SULF1: variants seen among roughly 807,000 people sequenced by gnomAD.
SULF1 encodes sulfatase 1.
In SULF1, 46 loss-of-function variants were observed where a neutral mutation model predicts 110.5. The observed-to-expected ratio is 0.42, with a 90% confidence interval of 0.33 to 0.53. The LOEUF is 0.53. SULF1 is among the 20% of genes least tolerant of loss of function. The probability of loss-of-function intolerance (pLI) is 0.12; values close to 1 mark genes in which losing one functional copy is unlikely to be tolerated. For synonymous variants in SULF1, 371 were observed against 387.1 expected (o/e 0.96, Z 0.49); for missense variants, 941 against 1,094.2 (o/e 0.86, Z 1.98).
intron 13 of SULF1, among the ~76,000 whole-genome samples, chr8:69,605,420 T>G (rs753989440): frequency 6.6e-6 from 1 of 152,182 alleles, no homozygotes; most frequent in Non-Finnish European, 1.5e-5. Context: ...GAAACCATAT[T>G]CTGTTTGTTT....
At chr8:69,556,644 G>A (rs1815135586) in intron 3 of SULF1, among the ~76,000 whole-genome samples, 1 of 152,184 alleles carries the variant, frequency 6.6e-6, no homozygotes, top group African/African-American at 2.4e-5. Flanking sequence ...CAAATTTAAT[G>A]AAATTTAATG....
At chr8:69,531,861 G>A (rs913021164) in intron 3 of SULF1, among the ~76,000 whole-genome samples, 1 of 152,088 alleles carries the variant, frequency 6.6e-6, no homozygotes, top group African/African-American at 2.4e-5. Context: ...TATCAACACG[G>A]GAAAGAGAGG....
At chr8:69,620,195 C>T (rs1310499073) in intron 13 of SULF1, among the ~76,000 whole-genome samples, 4 of 152,188 alleles carry the variant, frequency 2.6e-5, no homozygotes, top group South Asian at 4.1e-4. Context: ...AGTGTTCAGA[C>T]GTTCCTCTTC....
chr8:69,489,826 G>A (rs1035560026), upstream of SULF1, among the ~76,000 whole-genome samples: 5 of 151,920 alleles, frequency 3.3e-5, no homozygotes, highest in Non-Finnish European at 5.9e-5. Context: ...TCAGGAGCAT[G>A]AGCCACTGCG....
rs1237913719 is a variant in SULF1 at position 69,649,305 on chromosome 8, T to C, written c.2585+8464T>C. On this transcript the variant is annotated intron_variant, in intron 22 of 22. Coordinates refer to ENST00000402687, the MANE Select transcript of SULF1 (RefSeq NM_001128205.2). ...CACACACCTTTTTTTTCTGAATCATTTGCAAGTAATTTGCAAACATCATTC... is the reference window on the plus strand; with the variant it reads ...CACACACCTTTTTTTTCTGAATCATCTGCAAGTAATTTGCAAACATCATTC... 3.3e-5 allele frequency among the ~76,000 whole-genome samples: 5 copies of C among 152,352 alleles called. No individual in the cohort carries two copies. The East Asian group carries it at 9.6e-4, about 29-fold the overall frequency.
At position 69,605,532 on chromosome 8, in the gene SULF1, A is replaced by G. The variant is rs564246096; in HGVS notation, c.1377+600A>G. 1.2e-4 allele frequency among the ~76,000 whole-genome samples: 18 copies of G among 152,354 alleles called. No homozygotes were observed. In the South Asian group the frequency reaches 3.5e-3, roughly 30 times the overall value. On this transcript the variant is annotated intron_variant, in intron 13 of 22. Coordinates refer to ENST00000402687, the MANE Select transcript of SULF1 (RefSeq NM_001128205.2). Reference sequence around the variant, plus strand: ...ATTACTATAGACCCCAGAGCTACCCAGAATACCAGTTATTATCAGTAAGAA... The same window carrying G: ...ATTACTATAGACCCCAGAGCTACCCGGAATACCAGTTATTATCAGTAAGAA...
intron 22 of SULF1, among the ~76,000 whole-genome samples, chr8:69,641,299 C>T (rs1019283672): frequency 3.9e-5 from 6 of 152,120 alleles, no homozygotes; most frequent in Middle Eastern, 3.4e-3. Context: ...ACTGTAAGGC[C>T]GAAGTTGAAG....
intron 8 of SULF1, among the ~76,000 whole-genome samples, 178 bp downstream of exon 8, chr8:69,589,319 C>A (rs182893678): frequency 4.6e-5 from 7 of 152,172 alleles, no homozygotes; most frequent in Non-Finnish European, 8.8e-5. Context: ...TGAAAGAAAG[C>A]GCCTTATCTG....
intron 1 of SULF1, among the ~76,000 whole-genome samples, chr8:69,467,987 AT>A (rs33956009): frequency 0.29 from 43,836 of 151,594 alleles, 6,508 homozygotes; most frequent in African/African-American, 0.33. Flanking sequence ...AATTTATAGT[AT>A]TAAAAAAAAG....
At chr8:69,537,058 A>G (rs1293486006) in intron 3 of SULF1, among the ~76,000 whole-genome samples, 1 of 152,196 alleles carries the variant, frequency 6.6e-6, no homozygotes, top group Non-Finnish European at 1.5e-5. Flanking sequence ...CACTTAATGC[A>G]TGGTTCCTGG....
At chr8:69,619,279 G>GA (rs1809414573) in intron 13 of SULF1, among the ~76,000 whole-genome samples, 1 of 152,030 alleles carries the variant, frequency 6.6e-6, no homozygotes, top group Non-Finnish European at 1.5e-5. Flanking sequence ...ATATGGAAAG[G>GA]AAAAAAGACA....
intron 5 of SULF1, among the ~76,000 whole-genome samples, chr8:69,565,294 T>C (rs184048680): frequency 7.9e-5 from 12 of 152,170 alleles, no homozygotes; most frequent in Admixed American, 7.2e-4. Context: ...CACACATACA[T>C]GAGTGTGTAT....
intron 22 of SULF1, among the ~76,000 whole-genome samples, chr8:69,646,088 C>A (rs560690914): frequency 8.7e-4 from 132 of 152,150 alleles, no homozygotes; most frequent in African/African-American, 2.8e-3. Flanking sequence ...CCCTCCCAGG[C>A]AAACGAAAAA....
intron 3 of SULF1, among the ~76,000 whole-genome samples, chr8:69,507,828 A>G (rs1043420878): frequency 6.6e-6 from 1 of 152,176 alleles, no homozygotes. Context: ...AAATGTAAAA[A>G]AAAATGGATT....
intron 15 of SULF1, among the ~76,000 whole-genome samples, chr8:69,625,090 T>C (rs1028153483): frequency 6.6e-6 from 1 of 152,252 alleles, no homozygotes; most frequent in Non-Finnish European, 1.5e-5. Flanking sequence ...TCCCTGGGGC[T>C]GTTTGTTTAC....
intron 3 of SULF1, among the ~76,000 whole-genome samples, chr8:69,561,278 T>G (rs1815467059): frequency 1.3e-5 from 2 of 152,024 alleles, no homozygotes; most frequent in South Asian, 4.1e-4. Context: ...AATAAAAATT[T>G]TAATTAAAAA....
chr8:69,538,072 C>A (rs1311965732), intron 3 of SULF1, among the ~76,000 whole-genome samples: 1 of 152,032 alleles, frequency 6.6e-6, no homozygotes, highest in Non-Finnish European at 1.5e-5. Context: ...CGCCATTCCC[C>A]TGCCTCAGCC....
chr8:69,537,624 G>T (rs1196353971), intron 3 of SULF1, among the ~76,000 whole-genome samples: 1 of 152,202 alleles, frequency 6.6e-6, no homozygotes, highest in Non-Finnish European at 1.5e-5. Context: ...TGACACTAAA[G>T]TTCAGGTGTT....
intron 6 of SULF1, among the ~76,000 whole-genome samples, chr8:69,578,460 G>A (rs934439107): frequency 2.0e-5 from 3 of 150,580 alleles, no homozygotes; most frequent in East Asian, 2.0e-4. Flanking sequence ...CCATTAACTC[G>A]TCATTTAGCA....
Sources: allele counts gnomAD v4.1 joint callset (sites outside exome capture counted in the v4.1 genomes callset), GRCh38; gene constraint gnomAD v4.1.1; transcripts MANE v1.5; gene names NCBI Gene and HGNC (gene_info 2026-07-23, HGNC 2026-07-21).